Variants in IMMP2L observed in about 807,000 individuals in gnomAD.
IMMP2L encodes inner mitochondrial membrane peptidase subunit 2.
In IMMP2L, 18 loss-of-function variants were observed where a neutral mutation model predicts 19.3. The ratio of observed to expected loss-of-function variants is 0.93; its 90% CI spans 0.64 to 1.38. The LOEUF (loss-of-function observed/expected upper bound fraction) is 1.38. Ranked by LOEUF, IMMP2L falls within the 40% of genes most tolerant of loss-of-function variation. The pLI is 0.00. For synonymous variants in IMMP2L, 76 were observed against 73.0 expected (o/e 1.04, Z -0.21); for missense variants, 233 against 218.2 (o/e 1.07, Z -0.43).
At chr7:111,028,704 C>A (rs1860807) in intron 3 of IMMP2L, among the ~76,000 whole-genome samples, 4,291 of 152,202 alleles carry the variant, frequency 0.028, 191 homozygotes, top group African/African-American at 0.097. Flanking sequence ...TGCTAACATA[C>A]CAAACTTTTA....
At chr7:111,302,643 T>C (rs1822394783) in intron 3 of IMMP2L, among the ~76,000 whole-genome samples, 1 of 152,128 alleles carries the variant, frequency 6.6e-6, no homozygotes, top group Non-Finnish European at 1.5e-5. Context: ...GTTACACATC[T>C]ACTAAAAGAG....
chr7:110,670,522 T>C (rs1423561020), intron 5 of IMMP2L, among the ~76,000 whole-genome samples: 1 of 151,948 alleles, frequency 6.6e-6, no homozygotes, highest in African/African-American at 2.4e-5. Flanking sequence ...AAACCCTGTC[T>C]CTACTAAAAA....
chr7:111,277,211 C>T (rs1240812555), intron 3 of IMMP2L, among the ~76,000 whole-genome samples: 2 of 151,552 alleles, frequency 1.3e-5, no homozygotes, highest in Non-Finnish European at 2.9e-5. Context: ...TTGCATTTGA[C>T]AAAGGGCTAA....
intron 3 of IMMP2L, among the ~76,000 whole-genome samples, chr7:111,425,267 T>C (rs1170880617): frequency 1.3e-5 from 2 of 151,596 alleles, no homozygotes; most frequent in African/African-American, 4.9e-5. Flanking sequence ...AGAAGGTGAC[T>C]GAGAAGGACC....
chr7:111,118,783 G>T (rs938246691), intron 3 of IMMP2L, among the ~76,000 whole-genome samples: 1 of 151,926 alleles, frequency 6.6e-6, no homozygotes, highest in African/African-American at 2.4e-5. Context: ...CTAAAGAAAC[G>T]ATAAATTTCT....
chr7:111,081,487 T>C (rs746623291), intron 3 of IMMP2L, among the ~76,000 whole-genome samples: 8 of 152,226 alleles, frequency 5.3e-5, no homozygotes, highest in Non-Finnish European at 1.0e-4. Flanking sequence ...AAAGAGAGAC[T>C]TGACCAACCT....
chr7:110,836,232 C>A (rs1313561167), intron 5 of IMMP2L, among the ~76,000 whole-genome samples: 1 of 152,104 alleles, frequency 6.6e-6, no homozygotes, highest in Non-Finnish European at 1.5e-5. Flanking sequence ...TTCCTACATT[C>A]CAGCTGGTTG....
rs199630043 is a variant in IMMP2L, at chr7:111,268,570, T to TC, written c.239+218667_239+218668insG. 4.4e-3 allele frequency among the ~76,000 whole-genome samples: 55 copies of TC among 12,604 alleles called. 1 individual carries two copies. The highest frequency in any genetic ancestry group is 0.019 in the African/African-American group (46 of 2,422). 8.3% of individuals were successfully genotyped at this position (12,604 alleles called of 152,430 possible). On this transcript the variant is annotated intron_variant, in intron 3 of 5. Coordinates refer to ENST00000405709, the MANE Select transcript of IMMP2L (RefSeq NM_032549.4). The stretch of plus-strand genomic sequence containing the variant: ...ATATGAGTTAAACTTCACATTTCTC[T>TC]TTTTTTTTTTTTTTTTTTTTTTTTT...
chr7:111,477,577 C>A (rs918379664), intron 3 of IMMP2L, among the ~76,000 whole-genome samples: 1 of 151,928 alleles, frequency 6.6e-6, no homozygotes, highest in African/African-American at 2.4e-5. Flanking sequence ...ATTTTTGCTT[C>A]TTTGAAGGAA....
At chr7:110,974,312 C>T (rs1820468307) in intron 3 of IMMP2L, among the ~76,000 whole-genome samples, 1 of 152,008 alleles carries the variant, frequency 6.6e-6, no homozygotes, top group Admixed American at 6.6e-5. Context: ...TAAGAAAGAT[C>T]TCCAGTATGA....
intron 4 of IMMP2L, among the ~76,000 whole-genome samples, chr7:110,942,904 G>C (rs1246684955): frequency 6.6e-6 from 1 of 151,844 alleles, no homozygotes; most frequent in Non-Finnish European, 1.5e-5. Flanking sequence ...ATCTTTATCA[G>C]TGACTTGCAA....
In IMMP2L at chr7:110,812,930, A is replaced by C. The variant is rs143373772; in HGVS notation, c.408+73663T>G. 2.7e-4 allele frequency among the ~76,000 whole-genome samples: 41 copies of C among 152,178 alleles called. No homozygotes were observed. In the East Asian group the frequency reaches 7.6e-3, roughly 28 times the overall value. ...CAAGTCTGTTTTTATTAAAATATACATACATTCACACAACTGGCATTTTCA... is the reference window on the plus strand; with the variant it reads ...CAAGTCTGTTTTTATTAAAATATACCTACATTCACACAACTGGCATTTTCA... On this transcript the variant is annotated intron_variant, in intron 5 of 5. Transcript: ENST00000405709.
chr7:110,989,493 G>C (rs1237495623), intron 3 of IMMP2L, among the ~76,000 whole-genome samples: 5 of 143,384 alleles, frequency 3.5e-5, no homozygotes, highest in Non-Finnish European at 6.0e-5. Flanking sequence ...GATGTAGTGA[G>C]CACTCCAGCC....
intron 4 of IMMP2L, among the ~76,000 whole-genome samples, chr7:110,890,939 G>A (rs527928591): frequency 9.2e-5 from 14 of 152,148 alleles, no homozygotes; most frequent in African/African-American, 3.4e-4. Flanking sequence ...CACAAGAAAG[G>A]AAGAATTTCT....
Position 110,663,481 on chromosome 7 carries a change from T to C in IMMP2L, c.*121A>G, listed in dbSNP as rs58796552. On this transcript the variant is annotated 3_prime_UTR_variant, in exon 6 of 6. Coordinates refer to ENST00000405709, the MANE Select transcript of IMMP2L (RefSeq NM_032549.4). The stretch of plus-strand genomic sequence containing the variant: ...AATAATACAGATCGTTTTAATGTGC[T>C]GTAAATATTTCTCGCACAGCATCAT... The C allele has an allele frequency of 0.016, 12,871 of 787,750 alleles. 278 individuals are homozygous for C. Among genetic ancestry groups the C allele is most frequent in the African/African-American group, 0.08 (4,554 of 57,238 alleles). The allele number at this position is 787,750 out of a possible 1,614,324, so 48.8% of individuals were successfully genotyped here.
At chr7:111,434,930 A>C (rs1836999853) in intron 3 of IMMP2L, among the ~76,000 whole-genome samples, 1 of 151,916 alleles carries the variant, frequency 6.6e-6, no homozygotes, top group African/African-American at 2.4e-5. Context: ...AAAAATGCTC[A>C]CCATCACTAT....
At chr7:111,060,966 C>A (rs1225599191) in intron 3 of IMMP2L, among the ~76,000 whole-genome samples, 1 of 152,098 alleles carries the variant, frequency 6.6e-6, no homozygotes. Context: ...CCCAATGTTC[C>A]TTTTTAAAAC....
chr7:110,930,043 T>A (rs74971179), intron 4 of IMMP2L, among the ~76,000 whole-genome samples: 1 of 152,162 alleles, frequency 6.6e-6, no homozygotes, highest in Non-Finnish European at 1.5e-5. Flanking sequence ...GTTCTGAGGC[T>A]AATGAGTATA....
chr7:110,949,481 A>G (rs964732501), intron 4 of IMMP2L, among the ~76,000 whole-genome samples: 1 of 152,178 alleles, frequency 6.6e-6, no homozygotes, highest in African/African-American at 2.4e-5. Context: ...CTGATTTCCA[A>G]GTTAAGGAAA....
Sources: gnomAD v4.1 joint callset for allele counts (sites outside exome capture counted in the v4.1 genomes callset) on GRCh38, gnomAD v4.1.1 for gene constraint, MANE v1.5 for transcripts, NCBI Gene and HGNC (gene_info 2026-07-23, HGNC 2026-07-21) for gene names.